NEDD4L: variants seen among roughly 807,000 people sequenced by gnomAD.
NEDD4L encodes NEDD4 like E3 ubiquitin protein ligase.
In NEDD4L, 54 loss-of-function variants were observed where a neutral mutation model predicts 148.9. The ratio of observed to expected loss-of-function variants is 0.36; its 90% CI spans 0.29 to 0.45. The LOEUF (loss-of-function observed/expected upper bound fraction) is 0.45, where lower values mean the gene tolerates loss of function less well. Ranked by LOEUF, NEDD4L falls within the 20% of genes least tolerant of loss-of-function variation. The probability of loss-of-function intolerance (pLI) is 1.00; values close to 1 mark genes in which losing one functional copy is unlikely to be tolerated. For synonymous variants in NEDD4L, 433 were observed against 440.7 expected, an observed-to-expected ratio of 0.98 and a Z score of 0.22; for missense variants, 856 against 1,233.8, an observed-to-expected ratio of 0.69 and a Z score of 4.59.
chr18:58,281,140 G>C (rs1215538814), intron 5 of NEDD4L, among the ~76,000 whole-genome samples: 1 of 151,736 alleles, frequency 6.6e-6, no homozygotes, highest in Admixed American at 6.6e-5. Flanking sequence ...ACCATACCCA[G>C]CTAATCTTTT....
intron 1 of NEDD4L, among the ~76,000 whole-genome samples, chr18:58,087,090 C>T (rs2083796517): frequency 2.0e-5 from 3 of 152,314 alleles, no homozygotes; most frequent in Non-Finnish European, 4.4e-5. Context: ...TTCTTAGGGC[C>T]TTTGGTTTGC....
chr18:58,114,470 C>T (rs1365525005), intron 1 of NEDD4L, among the ~76,000 whole-genome samples: 1 of 152,094 alleles, frequency 6.6e-6, no homozygotes, highest in African/African-American at 2.4e-5. Flanking sequence ...TTTTTTAAAA[C>T]CTTTATCTTT....
chr18:58,092,230 T>C (rs1364088246), intron 1 of NEDD4L, among the ~76,000 whole-genome samples: 1 of 152,216 alleles, frequency 6.6e-6, no homozygotes, highest in Non-Finnish European at 1.5e-5. Context: ...ATTGGCAACG[T>C]CGGAGATAAA....
chr18:58,224,539 G>A (rs920663674), intron 2 of NEDD4L, among the ~76,000 whole-genome samples: 5 of 152,090 alleles, frequency 3.3e-5, no homozygotes, highest in Admixed American at 3.3e-4. Flanking sequence ...GGTTTTCAGG[G>A]CCATAACTGT....
intron 1 of NEDD4L, among the ~76,000 whole-genome samples, chr18:58,110,353 GTCAT>G (rs1454265248): frequency 6.6e-6 from 1 of 152,240 alleles, no homozygotes; most frequent in Non-Finnish European, 1.5e-5. Context: ...ATCTAGGGTA[GTCAT>G]TAAGATCCGT....
At chr18:58,084,996 G>C (rs1228504542) in intron 1 of NEDD4L, among the ~76,000 whole-genome samples, 2 of 152,062 alleles carry the variant, frequency 1.3e-5, no homozygotes, top group Non-Finnish European at 2.9e-5. Flanking sequence ...CGCCCAGCCT[G>C]GTCTTGTCTT....
intron 2 of NEDD4L, among the ~76,000 whole-genome samples, chr18:58,178,561 T>A (rs532906840): frequency 6.6e-6 from 1 of 152,250 alleles, no homozygotes; most frequent in African/African-American, 2.4e-5. Flanking sequence ...CTACGGAATA[T>A]TCGTTGGACT....
intron 1 of NEDD4L, among the ~76,000 whole-genome samples, chr18:58,144,096 T>C (rs957689409): frequency 6.7e-6 from 1 of 149,188 alleles, no homozygotes; most frequent in African/African-American, 2.5e-5. Context: ...TGACTCTGGT[T>C]ATATATTGAG....
intron 1 of NEDD4L, among the ~76,000 whole-genome samples, chr18:58,069,149 A>G (rs2082749797): frequency 1.3e-5 from 2 of 151,730 alleles, no homozygotes; most frequent in South Asian, 4.2e-4. Flanking sequence ...AAAAAAAAAA[A>G]AAAAAAAAAA....
chr18:58,351,490 C>G (rs2043875047), intron 18 of NEDD4L, among the ~76,000 whole-genome samples: 1 of 152,232 alleles, frequency 6.6e-6, no homozygotes, highest in South Asian at 2.1e-4. Flanking sequence ...ACCTTATTTT[C>G]TATTCACGGC....
At chr18:58,084,671 T>TTGTGTGGGTGGGTGTG (rs372571146) in intron 1 of NEDD4L, among the ~76,000 whole-genome samples, 9 of 133,738 alleles carry the variant, frequency 6.7e-5, no homozygotes, top group Non-Finnish European at 1.4e-4. Context: ...TGTGGGGTTT[T>TTGTGTGGGTGGGTGTG]TGTGTGTGTG....
intron 21 of NEDD4L, chr18:58,367,368 A>C (rs2046249474): frequency 1.1e-5 from 2 of 178,194 alleles, no homozygotes; most frequent in African/African-American, 4.7e-5. Context: ...GGAAGGAATT[A>C]AACTTCCTTC....
chr18:58,056,030 C>T (rs2082073224), intron 1 of NEDD4L, among the ~76,000 whole-genome samples: 1 of 152,194 alleles, frequency 6.6e-6, no homozygotes, highest in Non-Finnish European at 1.5e-5. Flanking sequence ...GTCAGCTCTT[C>T]AGTGTTTCTT....
At chr18:58,079,894 A>G (rs2083346753) in intron 1 of NEDD4L, among the ~76,000 whole-genome samples, 1 of 152,144 alleles carries the variant, frequency 6.6e-6, no homozygotes, top group Non-Finnish European at 1.5e-5. Context: ...GCTCATGCAG[A>G]ATTCTCTTTG....
intron 2 of NEDD4L, among the ~76,000 whole-genome samples, chr18:58,208,119 A>G (rs1332256843): frequency 6.6e-6 from 1 of 152,204 alleles, no homozygotes; most frequent in East Asian, 1.9e-4. Flanking sequence ...CCTACTACCA[A>G]AGAGTTCCTG....
intron 1 of NEDD4L, among the ~76,000 whole-genome samples, chr18:58,122,422 C>A (rs939157161): frequency 1.3e-5 from 2 of 152,160 alleles, no homozygotes; most frequent in African/African-American, 2.4e-5. Flanking sequence ...ATAGCTTGAA[C>A]CCAGGAGGAG....
chr18:58,255,984 A>C, intron 5 of NEDD4L: 1 of 1,230,686 alleles, frequency 8.1e-7, no homozygotes, highest in South Asian at 4.1e-5. Context: ...GGCGCCGACG[A>C]TGGGCCTCCA....
intron 19 of NEDD4L, among the ~76,000 whole-genome samples, chr18:58,362,123 C>T (rs1419529019): frequency 6.6e-6 from 1 of 152,194 alleles, no homozygotes; most frequent in Non-Finnish European, 1.5e-5. Flanking sequence ...AACATTTCCG[C>T]CCACACCTCC....
At chr18:58,276,489 G>A (rs947183064) in intron 5 of NEDD4L, among the ~76,000 whole-genome samples, 6 of 152,104 alleles carry the variant, frequency 3.9e-5, no homozygotes, top group Admixed American at 6.5e-5. Context: ...AATTACAGGC[G>A]TGAGCCACCG....
Sources: gnomAD v4.1 joint callset for allele counts (sites outside exome capture counted in the v4.1 genomes callset) on GRCh38, gnomAD v4.1.1 for gene constraint, MANE v1.5 for transcripts, NCBI Gene and HGNC (gene_info 2026-07-23, HGNC 2026-07-21) for gene names.